LRIF1: variants seen among roughly 807,000 people sequenced by gnomAD.
The protein encoded by LRIF1 is ligand-dependent nuclear receptor-interacting factor 1.
LRIF1 carries 32 observed loss-of-function variants against 52.7 expected under a neutral mutation model. That is an observed-to-expected ratio of 0.61 (90% CI 0.46 to 0.82). The LOEUF is 0.82. LRIF1 is among the 40% of genes least tolerant of loss of function. The pLI is 0.00. For missense variants in LRIF1, 887 were observed against 892.0 expected, an observed-to-expected ratio of 0.99 and a Z score of 0.07; for synonymous variants, 323 against 317.4, an observed-to-expected ratio of 1.02 and a Z score of -0.19.
chr1:110,946,560 ACTT>A (rs780239144), downstream of LRIF1, among the ~76,000 whole-genome samples: 89 of 150,826 alleles, frequency 5.9e-4, 1 homozygote, highest in Non-Finnish European at 1.0e-3. Flanking sequence ...TGTGTATTTC[ACTT>A]CTTTACAGTA....
chr1:110,928,894 C>T, the LRIF1 span, among the ~76,000 whole-genome samples: 1 of 152,170 alleles, frequency 6.6e-6, no homozygotes, highest in Non-Finnish European at 1.5e-5. Flanking sequence ...TAGAATTTGC[C>T]ATCTACTTTG....
chr1:110,956,735 G>A (rs1658714993), intron 1 of LRIF1, among the ~76,000 whole-genome samples: 1 of 152,168 alleles, frequency 6.6e-6, no homozygotes. Context: ...TACGGATATT[G>A]AAATCACATG....
chr1:110,879,872 C>T, the LRIF1 span, among the ~76,000 whole-genome samples: 3 of 152,102 alleles, frequency 2.0e-5, no homozygotes, highest in East Asian at 1.9e-4. Flanking sequence ...CGAGCCTGAT[C>T]GAGGTTCTTG....
At chr1:110,901,970 A>C in the LRIF1 span, among the ~76,000 whole-genome samples, 35 of 152,282 alleles carry the variant, frequency 2.3e-4, no homozygotes, top group African/African-American at 8.2e-4. Context: ...CTTTACTCCC[A>C]AAAACAAGTC....
chr1:110,898,379 GA>G, the LRIF1 span, among the ~76,000 whole-genome samples: 7,856 of 115,536 alleles, frequency 0.068, 261 homozygotes, highest in East Asian at 0.19. Context: ...TCTGTCTCCA[GA>G]AAAAAAAAAA....
the LRIF1 span, among the ~76,000 whole-genome samples, chr1:110,933,098 GT>G: frequency 6.6e-6 from 1 of 152,104 alleles, no homozygotes; most frequent in African/African-American, 2.4e-5. Context: ...TGGCTCCTCT[GT>G]TTCTTTGATA....
rs563734510 is a variant in LRIF1 at position 110,958,900 on chromosome 1, T to A, written c.68+4721A>T. Among the ~76,000 whole-genome samples, 3 of 152,336 alleles carry A rather than the reference T, an allele frequency of 2.0e-5. 1 individual carries two copies. The Middle Eastern group carries it at 0.01, about 518-fold the overall frequency. On this transcript the variant is annotated intron_variant, in intron 1 of 3. Coordinates refer to ENST00000369763, the MANE Select transcript of LRIF1 (RefSeq NM_018372.4). ...TTTCTTGGCAACAAAATGTAATGAG[T>A]TCTAAAAATTAATCTGCAGAATGCT...
chr1:110,916,297 G>T, the LRIF1 span, among the ~76,000 whole-genome samples: 1 of 152,086 alleles, frequency 6.6e-6, no homozygotes, highest in African/African-American at 2.4e-5. Context: ...GGTGGCAAAT[G>T]AAGTTAAAGT....
the LRIF1 span, chr1:110,894,920 C>G: frequency 6.6e-7 from 1 of 1,505,800 alleles, no homozygotes; most frequent in Non-Finnish European, 9.2e-7. Flanking sequence ...AACTCACCTG[C>G]TTTTTACCAT....
At chr1:110,895,637 A>G in the LRIF1 span, among the ~76,000 whole-genome samples, 1 of 152,244 alleles carries the variant, frequency 6.6e-6, no homozygotes. Context: ...CACAGGAATT[A>G]GAGCCTGGAG....
chr1:110,876,489 G>A, the LRIF1 span, among the ~76,000 whole-genome samples: 1 of 152,082 alleles, frequency 6.6e-6, no homozygotes, highest in African/African-American at 2.4e-5. Context: ...AAACCTTTTT[G>A]TTTGGCCTTT....
chr1:110,899,332 A>G, the LRIF1 span: 1 of 611,110 alleles, frequency 1.6e-6, no homozygotes, highest in Admixed American at 2.9e-5. Flanking sequence ...GTCTTATACA[A>G]CCAGAGAAGT....
the LRIF1 span, among the ~76,000 whole-genome samples, chr1:110,925,748 A>T: frequency 6.6e-6 from 1 of 152,130 alleles, no homozygotes; most frequent in Non-Finnish European, 1.5e-5. Flanking sequence ...CTGCAGGTAA[A>T]CCAATCTGTT....
Position 110,952,192 on chromosome 1 carries a change from TAAATA to T in LRIF1, c.687_691del (p.Ile230CysfsTer65). On this transcript the variant is annotated frameshift_variant, in exon 2 of 4. Transcript: ENST00000369763. LOFTEE classifies it high-confidence loss of function. ...TTTCACTGTATTTACAGGAGATACA[TAAATA>T]ACGGTTGGCATTTGGGAGGCCTCAA... 1 of 1,614,240 alleles carries T rather than the reference TAAATA, an allele frequency of 6.2e-7. No homozygotes were observed. The highest frequency in any genetic ancestry group is 8.5e-7 in the Non-Finnish European group (1 of 1,180,036).
chr1:110,929,886 A>G, the LRIF1 span, among the ~76,000 whole-genome samples: 1 of 152,140 alleles, frequency 6.6e-6, no homozygotes, highest in Non-Finnish European at 1.5e-5. Flanking sequence ...AAAGAGAGGA[A>G]CAGAAAAAAG....
chr1:110,918,034 A>G, the LRIF1 span, among the ~76,000 whole-genome samples: 1 of 152,230 alleles, frequency 6.6e-6, no homozygotes, highest in African/African-American at 2.4e-5. Flanking sequence ...AATGCACTGA[A>G]TGAAATTTAA....
the LRIF1 span, among the ~76,000 whole-genome samples, chr1:110,923,901 A>G: frequency 1.3e-5 from 2 of 152,182 alleles, no homozygotes; most frequent in Non-Finnish European, 2.9e-5. Context: ...ACAGGAATTA[A>G]AGATATGTAA....
At chr1:110,895,465 T>A in the LRIF1 span, among the ~76,000 whole-genome samples, 1 of 152,194 alleles carries the variant, frequency 6.6e-6, no homozygotes. Context: ...ATGTGCTGTT[T>A]CCACCCACAA....
At chr1:110,953,611 T>C (rs1014167681) in intron 1 of LRIF1, among the ~76,000 whole-genome samples, 11 of 152,218 alleles carry the variant, frequency 7.2e-5, no homozygotes, top group Non-Finnish European at 1.5e-4. Context: ...TAGTATAGAC[T>C]GTCTAATCTT....
Sources: gnomAD v4.1 joint callset for allele counts (sites outside exome capture counted in the v4.1 genomes callset) on GRCh38, gnomAD v4.1.1 for gene constraint, MANE v1.5 for transcripts, NCBI Gene and HGNC (gene_info 2026-07-23, HGNC 2026-07-21) for gene names.